Variants in FAM120A observed in about 807,000 individuals in gnomAD.
FAM120A encodes constitutive coactivator of PPAR-gamma-like protein 1.
A neutral mutation model predicts 109.7 loss-of-function variants in FAM120A; 15 were observed. The ratio of observed to expected loss-of-function variants is 0.14; its 90% CI spans 0.09 to 0.21. The LOEUF is 0.21. FAM120A is among the 10% of genes least tolerant of loss of function. The pLI is 1.00. For synonymous variants in FAM120A, 493 were observed against 572.8 expected, an observed-to-expected ratio of 0.86 and a Z score of 1.99; for missense variants, 899 against 1,439.3, an observed-to-expected ratio of 0.62 and a Z score of 6.07.
intron 16 of FAM120A, among the ~76,000 whole-genome samples, chr9:93,561,959 A>T (rs1253505208): frequency 6.6e-6 from 1 of 152,198 alleles, no homozygotes; most frequent in South Asian, 2.1e-4. Flanking sequence ...AATCTTCCCT[A>T]TGATCATACT....
At chr9:93,546,839 T>C (rs780815885) in intron 11 of FAM120A, among the ~76,000 whole-genome samples, 3 of 152,216 alleles carry the variant, frequency 2.0e-5, no homozygotes, top group Admixed American at 6.5e-5. Context: ...TCAATTTCTA[T>C]TGGACACATG....
intron 5 of FAM120A, among the ~76,000 whole-genome samples, chr9:93,509,855 G>T (rs1811889061): frequency 6.6e-6 from 1 of 152,212 alleles, no homozygotes; most frequent in South Asian, 2.1e-4. Context: ...TAAAAGTCAT[G>T]TACAGACCCC....
chr9:93,475,300 C>A (rs749736745), intron 2 of FAM120A, among the ~76,000 whole-genome samples: 1 of 152,182 alleles, frequency 6.6e-6, no homozygotes, highest in Non-Finnish European at 1.5e-5. Context: ...TTTCCACTTG[C>A]ATCATGTTGA....
Position 93,452,601 on chromosome 9 carries a change from T to TG in FAM120A, c.474+213dup. ...GCCCAAGCCCGTCTCCAGCTGTCCC[T>TG]GTTCGGGGTCCGCGGCCGCGTGGGG... On this transcript the variant is annotated intron_variant, in intron 1 of 17. Coordinates refer to ENST00000277165, the MANE Select transcript of FAM120A (RefSeq NM_014612.5). The surrounding 1 kb of genome is among the most constrained non-coding windows in gnomAD (Gnocchi z 7.0). The TG allele has an allele frequency of 6.3e-7, 1 of 1,598,866 alleles. No homozygotes were observed. The highest frequency in any genetic ancestry group is 8.5e-7 in the Non-Finnish European group (1 of 1,179,594).
chr9:93,466,589 G>A (rs1858029199), intron 1 of FAM120A, among the ~76,000 whole-genome samples: 1 of 152,056 alleles, frequency 6.6e-6, no homozygotes, highest in Non-Finnish European at 1.5e-5. Context: ...CTGGGCACTG[G>A]TGGGGTCCTG....
rs1370587194 is a variant in FAM120A at position 93,565,379 on chromosome 9, T to C, written c.*839T>C. On this transcript the variant is annotated 3_prime_UTR_variant, in exon 18 of 18. Coordinates refer to ENST00000277165, the MANE Select transcript of FAM120A (RefSeq NM_014612.5). ...TAATTTTTAAAGTGTGTAGTTAATA[T>C]GCATGTTATCGTCCTTTCTTCCATT... The C allele has an allele frequency of 6.6e-6, 1 of 152,664 alleles. No individual in the cohort carries two copies. Among genetic ancestry groups the C allele is most frequent in the Non-Finnish European group, 1.5e-5 (1 of 68,034 alleles). The allele number at this position is 152,664 out of a possible 1,614,324, so 9.5% of individuals were successfully genotyped here.
intron 5 of FAM120A, among the ~76,000 whole-genome samples, chr9:93,511,628 C>T (rs56727264): frequency 0.044 from 6,667 of 152,282 alleles, 497 homozygotes; most frequent in African/African-American, 0.15. Flanking sequence ...GTAAACATGT[C>T]TGTTTGCACA....
At chr9:93,496,012 A>C (rs1056058300) in intron 3 of FAM120A, among the ~76,000 whole-genome samples, 26 of 152,188 alleles carry the variant, frequency 1.7e-4, no homozygotes, top group African/African-American at 6.3e-4. Flanking sequence ...CCATCTCAAA[A>C]AGGTGCTTTC....
intron 15 of FAM120A, among the ~76,000 whole-genome samples, chr9:93,559,379 A>C (rs1488497606): frequency 6.6e-6 from 1 of 152,232 alleles, no homozygotes; most frequent in African/African-American, 2.4e-5. Flanking sequence ...CAAGTCACAT[A>C]ACAGGATTAA....
At chr9:93,470,609 G>T (rs539587578) in intron 1 of FAM120A, among the ~76,000 whole-genome samples, 2 of 152,270 alleles carry the variant, frequency 1.3e-5, no homozygotes, top group East Asian at 3.9e-4. Flanking sequence ...CTCCACGTGT[G>T]GGAGGCCTTA....
rs949962705 is a variant in FAM120A at position 93,498,165 on chromosome 9, C to T, written c.933+566C>T. Among the ~76,000 whole-genome samples, 3 of 152,170 alleles carry T rather than the reference C, an allele frequency of 2.0e-5. No individual in the cohort carries two copies. The highest frequency in any genetic ancestry group is 4.4e-5 in the Non-Finnish European group (3 of 68,022). On this transcript the variant is annotated intron_variant, in intron 4 of 17. Coordinates refer to ENST00000277165, the MANE Select transcript of FAM120A (RefSeq NM_014612.5). This position sits in a 1 kb window ranked among gnomAD's most constrained non-coding sequence, Gnocchi z 4.4. ...ATCCCAGTACTCTGGGAGGCCGAGGCGGGCGGATCACGAGGTCAGGAGTTT... is the reference window on the plus strand; with the variant it reads ...ATCCCAGTACTCTGGGAGGCCGAGGTGGGCGGATCACGAGGTCAGGAGTTT...
chr9:93,563,542 TG>T (rs1862543865), intron 17 of FAM120A, among the ~76,000 whole-genome samples: 1 of 152,126 alleles, frequency 6.6e-6, no homozygotes, highest in African/African-American at 2.4e-5. Context: ...TCACGGAGAG[TG>T]GACAGAGCCA....
chr9:93,520,030 C>CA (rs991349722), intron 7 of FAM120A, among the ~76,000 whole-genome samples: 5 of 152,090 alleles, frequency 3.3e-5, no homozygotes, highest in African/African-American at 1.2e-4. Context: ...TGTTCCACCA[C>CA]ACCCAGCTAA....
rs1858034143 is a variant in FAM120A, at chr9:93,466,652, A to G, written c.475-4489A>G. Among the ~76,000 whole-genome samples, 9 of 152,054 alleles carry G rather than the reference A, an allele frequency of 5.9e-5. No homozygotes were observed. In the South Asian group the frequency reaches 1.9e-3, roughly 32 times the overall value. ...CTCATAGCTGACAGCTACAGGTGCT[A>G]CTGCTGCTTGGGGGTCCGTGTAAGG... On this transcript the variant is annotated intron_variant, in intron 1 of 17. Transcript: ENST00000277165.
At chr9:93,517,330 A>G (rs1445898945) in intron 7 of FAM120A, among the ~76,000 whole-genome samples, 2 of 152,266 alleles carry the variant, frequency 1.3e-5, no homozygotes, top group African/African-American at 4.8e-5. Flanking sequence ...TGAAGTAAAG[A>G]GTTGCAATTG....
Position 93,495,110 on chromosome 9 carries a change from G to T in FAM120A, c.805-2361G>T, listed in dbSNP as rs572091039. 1.3e-3 allele frequency among the ~76,000 whole-genome samples: 204 copies of T among 152,318 alleles called. 2 individuals carry two copies. Among genetic ancestry groups the T allele is most frequent in the African/African-American group, 4.8e-3 (201 of 41,568 alleles). ...AGCAGCAGCTGAGTAGGCATTGTGT[G>T]GTGGGCAGCAGGCCCTCCGTGGCTG... is the stretch of plus-strand genomic sequence containing the variant. On this transcript the variant is annotated intron_variant, in intron 3 of 17. Coordinates refer to ENST00000277165, the MANE Select transcript of FAM120A (RefSeq NM_014612.5).
At chr9:93,547,100 A>T (rs537341117) in intron 11 of FAM120A, among the ~76,000 whole-genome samples, 1 of 152,170 alleles carries the variant, frequency 6.6e-6, no homozygotes, top group Non-Finnish European at 1.5e-5. Context: ...CGGGGGATGG[A>T]GTCTGAGCAG....
rs1862495701 is a variant in FAM120A at position 93,562,291 on chromosome 9, A to G, written c.3032A>G (p.Gln1011Arg). 6.2e-7 allele frequency: 1 copy of G among 1,613,780 alleles called. No individual in the cohort carries two copies. The highest frequency in any genetic ancestry group is 1.3e-5 in the African/African-American group (1 of 74,940). Residue 1011 changes from glutamine to arginine, a missense_variant, in exon 17 of 18, where the codon CAG (glutamine) becomes CGG (arginine). Coordinates refer to ENST00000277165, the MANE Select transcript of FAM120A (RefSeq NM_014612.5). ...TACTATGGCAGAGGTTACAAAAACCAGGCAGCAATTCAGGTAAGAAGACAA... is the reference window on the plus strand; with the variant it reads ...TACTATGGCAGAGGTTACAAAAACCGGGCAGCAATTCAGGTAAGAAGACAA... ...GRYYGRGYKN[Q>R]AAIQGRPPYA...
At chr9:93,550,804 TC>T in intron 12 of FAM120A, 113 bp downstream of exon 12, 1 of 693,378 alleles carries the variant, frequency 1.4e-6, no homozygotes, top group Non-Finnish European at 2.5e-6. Flanking sequence ...ATTGCTTTAG[TC>T]CACTAAACTA....
Sources: allele counts gnomAD v4.1 joint callset (sites outside exome capture counted in the v4.1 genomes callset), GRCh38; gene constraint gnomAD v4.1.1; non-coding constraint Gnocchi (gnomAD v3.1); transcripts MANE v1.5; gene names NCBI Gene and HGNC (gene_info 2026-07-23, HGNC 2026-07-21).